Variants in STK40 observed in about 807,000 individuals in gnomAD.
The protein encoded by STK40 is serine/threonine kinase 40, also known as serine/threonine-protein kinase 40.
Under a neutral mutation model 47.9 loss-of-function variants are expected in STK40, and 13 were observed. That is an observed-to-expected ratio of 0.27 (90% CI 0.18 to 0.43). The LOEUF (loss-of-function observed/expected upper bound fraction) is 0.43. Among genes scored for constraint, STK40 ranks in the 20% least tolerant of loss-of-function variants. The probability of loss-of-function intolerance (pLI) is 1.00; values close to 1 mark genes in which losing one functional copy is unlikely to be tolerated. For missense variants in STK40, 460 were observed against 595.1 expected (o/e 0.77, Z 2.36); for synonymous variants, 225 against 243.2 (o/e 0.93, Z 0.69).
intron 1 of STK40, among the ~76,000 whole-genome samples, chr1:36,381,006 G>A (rs1286394291): frequency 6.6e-6 from 1 of 152,052 alleles, no homozygotes; most frequent in Non-Finnish European, 1.5e-5. Flanking sequence ...GGACCTCAAG[G>A]TTACCTGTCA....
chr1:36,361,814 G>GT (rs1646854844), intron 1 of STK40, among the ~76,000 whole-genome samples: 1 of 152,092 alleles, frequency 6.6e-6, no homozygotes, highest in Admixed American at 6.6e-5. Flanking sequence ...TTCCTGGCCC[G>GT]TATCTGGACA....
Position 36,361,310 on chromosome 1 carries a change from C to T in STK40, c.23G>A (p.Arg8Lys). The T allele has an allele frequency of 6.2e-7, 1 of 1,614,264 alleles. No homozygotes were observed. Among genetic ancestry groups the T allele is most frequent in the Non-Finnish European group, 8.5e-7 (1 of 1,180,052 alleles). The change falls in exon 2 of 11, where the codon AGA becomes AAA. Residue 8 changes from arginine to lysine, a missense_variant. Coordinates refer to ENST00000373132, the MANE Select transcript of STK40 (RefSeq NM_001282547.2). ...CCTGGCCGACGTTTCCCCAGCTCCT[C>T]TGTCTGATGCTCTCCGCTTCATTCT... MKRRASD[R>K]GAGETSARAK...
chr1:36,372,039 C>T (rs1646952969), intron 1 of STK40, among the ~76,000 whole-genome samples: 1 of 152,070 alleles, frequency 6.6e-6, no homozygotes, highest in African/African-American at 2.4e-5. Flanking sequence ...ATGTTTAGTC[C>T]AGACACAAGC....
chr1:36,363,316 C>T (rs1326081696), intron 1 of STK40, among the ~76,000 whole-genome samples: 1 of 151,980 alleles, frequency 6.6e-6, no homozygotes, highest in African/African-American at 2.4e-5. Context: ...CAAACAAAAA[C>T]CATTAAGGAT....
intron 1 of STK40, among the ~76,000 whole-genome samples, chr1:36,385,475 A>G (rs1647077794): frequency 6.6e-6 from 1 of 152,188 alleles, no homozygotes; most frequent in East Asian, 1.9e-4. Context: ...GGCAGTGCCC[A>G]CTTCCCAGAG....
intron 1 of STK40, among the ~76,000 whole-genome samples, chr1:36,367,323 G>A (rs1646911210): frequency 6.6e-6 from 1 of 152,234 alleles, no homozygotes; most frequent in Non-Finnish European, 1.5e-5. Context: ...CTGAAAGCAG[G>A]GGGTTCCATT....
At chr1:36,345,307 C>T (rs1299134086) in intron 7 of STK40, among the ~76,000 whole-genome samples, 1 of 152,248 alleles carries the variant, frequency 6.6e-6, no homozygotes, top group African/African-American at 2.4e-5. Context: ...GAAGGGCAAG[C>T]AGTTTAACCG....
chr1:36,379,205 A>G (rs1272159925), intron 1 of STK40, among the ~76,000 whole-genome samples: 1 of 152,160 alleles, frequency 6.6e-6, no homozygotes, highest in Admixed American at 6.5e-5. Flanking sequence ...GTGTGTAAAC[A>G]TATTTAGAGG....
chr1:36,352,349 C>T (rs1161477533), intron 6 of STK40, among the ~76,000 whole-genome samples: 3 of 152,190 alleles, frequency 2.0e-5, no homozygotes, highest in Admixed American at 6.5e-5. Flanking sequence ...GCCTCACACC[C>T]ACTGATTTGC....
chr1:36,366,484 T>C (rs532965174), intron 1 of STK40, among the ~76,000 whole-genome samples: 3 of 152,286 alleles, frequency 2.0e-5, no homozygotes, highest in African/African-American at 7.2e-5. Context: ...CGGAAGCTGC[T>C]GCAGGCTTAC....
chr1:36,348,043 T>C (rs1274706993), intron 7 of STK40, among the ~76,000 whole-genome samples: 2 of 152,248 alleles, frequency 1.3e-5, no homozygotes, highest in Non-Finnish European at 2.9e-5. Flanking sequence ...TTGTTCCCTG[T>C]TGTCTCCAAA....
intron 1 of STK40, among the ~76,000 whole-genome samples, chr1:36,376,438 A>C (rs1279328071): frequency 6.6e-6 from 1 of 152,250 alleles, no homozygotes; most frequent in Non-Finnish European, 1.5e-5. Context: ...CAGCAATGCC[A>C]GTTCCGGGGA....
intron 1 of STK40, among the ~76,000 whole-genome samples, chr1:36,379,699 G>C (rs1647024103): frequency 1.3e-5 from 2 of 151,958 alleles, no homozygotes; most frequent in Admixed American, 1.3e-4. Context: ...GCCTCTTTAG[G>C]GAGTGGGAAC....
chr1:36,372,159 AAC>A (rs1177092434), intron 1 of STK40, among the ~76,000 whole-genome samples: 1 of 151,878 alleles, frequency 6.6e-6, no homozygotes, highest in Non-Finnish European at 1.5e-5. Flanking sequence ...ACCTCCCCAC[AAC>A]ACACACACAC....
chr1:36,361,485 A>C (rs1646852081), intron 1 of STK40, 145 bp from the exon 2 acceptor site: 2 of 1,431,858 alleles, frequency 1.4e-6, no homozygotes, highest in African/African-American at 1.4e-5. Context: ...GGAGCATCCA[A>C]GGCTCCAAGT....
chr1:36,358,490 A>G, intron 3 of STK40, 108 bp from the exon 4 acceptor site: 1 of 1,422,732 alleles, frequency 7.0e-7, no homozygotes, highest in Non-Finnish European at 9.5e-7. Flanking sequence ...ACATTTGTGC[A>G]CAATGCACAC....
At chr1:36,344,082 C>A (rs749856442) in intron 8 of STK40, 38 bp downstream of exon 8, 3 of 1,600,344 alleles carry the variant, frequency 1.9e-6, no homozygotes. Flanking sequence ...GCCCATCAGG[C>A]TGGCTGCCCC....
chr1:36,357,569 T>C (rs931956820), intron 4 of STK40, among the ~76,000 whole-genome samples: 1 of 152,148 alleles, frequency 6.6e-6, no homozygotes, highest in Admixed American at 6.5e-5. Flanking sequence ...TGCTCAGGCA[T>C]TTCAGTTTGT....
chr1:36,354,811 C>CG (rs1472878870), intron 5 of STK40, among the ~76,000 whole-genome samples: 1 of 152,144 alleles, frequency 6.6e-6, no homozygotes, highest in Non-Finnish European at 1.5e-5. Flanking sequence ...AGCGGCACAC[C>CG]GGGAAGAGGC....
Sources: allele counts gnomAD v4.1 joint callset (sites outside exome capture counted in the v4.1 genomes callset), GRCh38; gene constraint gnomAD v4.1.1; transcripts MANE v1.5; gene names NCBI Gene and HGNC (gene_info 2026-07-23, HGNC 2026-07-21).